Variants in MAN1C1 observed in about 807,000 individuals in gnomAD.
MAN1C1 encodes mannosyl-oligosaccharide 1,2-alpha-mannosidase IC.
A neutral mutation model predicts 71.5 loss-of-function variants in MAN1C1; 49 were observed. That is an observed-to-expected ratio of 0.69 (90% CI 0.54 to 0.87). MAN1C1 has a LOEUF of 0.87. Ranked by LOEUF, MAN1C1 falls within the 40% of genes least tolerant of loss-of-function variation. The pLI, the probability that MAN1C1 is intolerant of heterozygous loss-of-function variation, is 0.00. For synonymous variants in MAN1C1, 352 were observed against 343.7 expected, an observed-to-expected ratio of 1.02 and a Z score of -0.27; for missense variants, 743 against 835.0, an observed-to-expected ratio of 0.89 and a Z score of 1.36.
chr1:25,740,176 G>A (rs1482523070), intron 2 of MAN1C1, among the ~76,000 whole-genome samples: 3 of 152,158 alleles, frequency 2.0e-5, no homozygotes, highest in Non-Finnish European at 4.4e-5. Context: ...GAGACAGTGA[G>A]TGGCATGAAC....
At chr1:25,759,213 T>C (rs2047329364) in intron 6 of MAN1C1, 1 of 175,400 alleles carries the variant, frequency 5.7e-6, no homozygotes, top group Non-Finnish European at 1.2e-5. Context: ...TGACTGTTCA[T>C]TCCTGCTGTT....
intron 2 of MAN1C1, among the ~76,000 whole-genome samples, chr1:25,721,363 T>A (rs2046764264): frequency 6.6e-6 from 1 of 152,192 alleles, no homozygotes; most frequent in Non-Finnish European, 1.5e-5. Context: ...AATTTATAGA[T>A]CAATTTGAGG....
At position 25,618,054 on chromosome 1, in the gene MAN1C1, C is replaced by T; in HGVS notation, c.257C>T (p.Pro86Leu). The T allele has an allele frequency of 6.4e-7, 1 of 1,562,496 alleles. No individual in the cohort carries two copies. Among genetic ancestry groups the T allele is most frequent in the Non-Finnish European group, 8.6e-7 (1 of 1,159,146 alleles). The change falls in exon 1 of 12, where the codon CCC becomes CTC. Residue 86 changes from proline (P) to leucine (L), a missense_variant. By Grantham distance (98) the Pro-to-Leu change is moderately conservative. Transcript: ENST00000374332. ...REQEPPPNPA[P>L]AAPAPGEDDP... The stretch of plus-strand genomic sequence containing the variant: ...CAGGAGCCGCCTCCCAACCCGGCCC[C>T]CGCCGCGCCGGCCCCGGGCGAGGAT...
At chr1:25,674,395 T>G (rs1310093908) in intron 1 of MAN1C1, among the ~76,000 whole-genome samples, 1 of 152,214 alleles carries the variant, frequency 6.6e-6, no homozygotes, top group Admixed American at 6.5e-5. Context: ...GGTACTCTCC[T>G]AGGTGCTAGG....
At chr1:25,731,388 A>G (rs1557783265) in intron 2 of MAN1C1, among the ~76,000 whole-genome samples, 1 of 152,186 alleles carries the variant, frequency 6.6e-6, no homozygotes. Context: ...GAGGCAACTC[A>G]TAGGTATCCT....
At chr1:25,758,067 C>T (rs1251661050) in intron 5 of MAN1C1, among the ~76,000 whole-genome samples, 1 of 152,232 alleles carries the variant, frequency 6.6e-6, no homozygotes, top group African/African-American at 2.4e-5. Flanking sequence ...CATTTCATGT[C>T]CTTGGGCAGC....
chr1:25,653,249 A>G (rs2045718582), intron 1 of MAN1C1, among the ~76,000 whole-genome samples: 1 of 151,358 alleles, frequency 6.6e-6, no homozygotes, highest in South Asian at 2.1e-4. Context: ...AGGCTAATTT[A>G]TTAATTTTTT....
chr1:25,627,522 G>A (rs1226349253), intron 1 of MAN1C1, among the ~76,000 whole-genome samples: 1 of 152,100 alleles, frequency 6.6e-6, no homozygotes, highest in Non-Finnish European at 1.5e-5. Context: ...TGATTTGCCC[G>A]CCTCAGCCTC....
chr1:25,672,293 C>T (rs773112830), intron 1 of MAN1C1, among the ~76,000 whole-genome samples: 18 of 152,204 alleles, frequency 1.2e-4, no homozygotes, highest in Non-Finnish European at 2.4e-4. Context: ...CTACATTGGG[C>T]GAGGGCGGGC....
intron 2 of MAN1C1, among the ~76,000 whole-genome samples, chr1:25,704,514 C>T (rs2046492204): frequency 1.3e-5 from 2 of 152,228 alleles, no homozygotes; most frequent in African/African-American, 4.8e-5. Context: ...TCAGCACGTG[C>T]TTGCTAGAGA....
At chr1:25,699,679 G>T (rs909598118) in intron 2 of MAN1C1, among the ~76,000 whole-genome samples, 1 of 152,210 alleles carries the variant, frequency 6.6e-6, no homozygotes, top group Non-Finnish European at 1.5e-5. Context: ...TCCTAAAATA[G>T]CAGGTGATTG....
At chr1:25,643,249 A>C in intron 1 of MAN1C1, among the ~76,000 whole-genome samples, 1 of 122,118 alleles carries the variant, frequency 8.2e-6, no homozygotes, top group South Asian at 2.8e-4. Flanking sequence ...TTAATTAATT[A>C]ATTAATTTAT....
chr1:25,625,163 G>T (rs548018014), intron 1 of MAN1C1, among the ~76,000 whole-genome samples: 9 of 151,872 alleles, frequency 5.9e-5, no homozygotes, highest in Non-Finnish European at 2.9e-5. Flanking sequence ...CTGCCACCAT[G>T]CCCAGCTAAT....
Position 25,634,936 on chromosome 1 carries a change from G to GTT in MAN1C1, c.540+16609_540+16610dup, listed in dbSNP as rs921755192. 1.4e-5 allele frequency among the ~76,000 whole-genome samples: 2 copies of GTT among 146,430 alleles called. No individual in the cohort carries two copies. Among genetic ancestry groups the GTT allele is most frequent in the Non-Finnish European group, 3.0e-5 (2 of 66,116 alleles). On this transcript the variant is annotated intron_variant, in intron 1 of 11. Coordinates refer to ENST00000374332, the MANE Select transcript of MAN1C1 (RefSeq NM_020379.4). This position sits in a 1 kb window ranked among gnomAD's most constrained non-coding sequence, Gnocchi z 4.6. Reference sequence around the variant, plus strand: ...TGTTTATGAGGGATATTGGTCTATAGTTTTTTTTTTTGTAAATCCTTTGTC... The same window carrying GTT: ...TGTTTATGAGGGATATTGGTCTATAGTTTTTTTTTTTTTGTAAATCCTTTGTC...
intron 3 of MAN1C1, among the ~76,000 whole-genome samples, chr1:25,748,290 G>A (rs748360557): frequency 8.5e-5 from 13 of 152,192 alleles, no homozygotes; most frequent in Middle Eastern, 3.2e-3. Context: ...TGACCTCACC[G>A]AGCCCTGGGA....
intron 1 of MAN1C1, among the ~76,000 whole-genome samples, chr1:25,647,503 A>G (rs2045632331): frequency 6.6e-6 from 1 of 152,086 alleles, no homozygotes; most frequent in Admixed American, 6.5e-5. Context: ...GGGCTCCAGT[A>G]TGGAGGTACC....
intron 1 of MAN1C1, among the ~76,000 whole-genome samples, chr1:25,664,038 T>G (rs913126706): frequency 1.3e-5 from 2 of 152,172 alleles, no homozygotes; most frequent in African/African-American, 2.4e-5. Flanking sequence ...TCTTGGTGCT[T>G]CTTTAAGCCT....
At chr1:25,696,170 C>G (rs1008219880) in intron 2 of MAN1C1, among the ~76,000 whole-genome samples, 4 of 152,174 alleles carry the variant, frequency 2.6e-5, no homozygotes, top group Non-Finnish European at 4.4e-5. Flanking sequence ...CAAGGCTGAG[C>G]CTACAGCAAG....
rs970006803 is a variant in MAN1C1 at position 25,753,164 on chromosome 1, A to G, written c.835-320A>G. ...TCTTCCCAGTGGCTGCCCCATCCCA[A>G]TAAGCAGCATCCAGCCTTTGCCACC... On this transcript the variant is annotated intron_variant, in intron 4 of 11. Coordinates refer to ENST00000374332, the MANE Select transcript of MAN1C1 (RefSeq NM_020379.4). This position sits in a 1 kb window ranked among gnomAD's most constrained non-coding sequence, Gnocchi z 4.9. 3.3e-5 allele frequency among the ~76,000 whole-genome samples: 5 copies of G among 152,096 alleles called. 1 individual carries two copies. Among genetic ancestry groups the G allele is most frequent in the Admixed American group, 6.5e-5 (1 of 15,274 alleles).
Sources: allele counts gnomAD v4.1 joint callset (sites outside exome capture counted in the v4.1 genomes callset), GRCh38; gene constraint gnomAD v4.1.1; non-coding constraint Gnocchi (gnomAD v3.1); transcripts MANE v1.5; gene names NCBI Gene and HGNC (gene_info 2026-07-23, HGNC 2026-07-21).